Variants in RIT2 observed in about 807,000 individuals in gnomAD.
The protein encoded by RIT2 is GTP-binding protein Rit2.
Under a neutral mutation model 23.7 loss-of-function variants are expected in RIT2, and 24 were observed. That is an observed-to-expected ratio of 1.01 (90% CI 0.73 to 1.43). The LOEUF (loss-of-function observed/expected upper bound fraction) is 1.43, where lower values mean the gene tolerates loss of function less well. Ranked by LOEUF, RIT2 falls within the 40% of genes most tolerant of loss-of-function variation. The pLI is 0.00. For missense variants in RIT2, 236 were observed against 266.9 expected, an observed-to-expected ratio of 0.88 and a Z score of 0.81; for synonymous variants, 107 against 91.1, an observed-to-expected ratio of 1.17 and a Z score of -0.99.
At chr18:42,979,270 A>G (rs182652470) in intron 2 of RIT2, among the ~76,000 whole-genome samples, 263 of 152,230 alleles carry the variant, frequency 1.7e-3, no homozygotes, top group African/African-American at 5.8e-3. Flanking sequence ...CAAATATAAA[A>G]TTAGGATAAT....
intron 4 of RIT2, among the ~76,000 whole-genome samples, chr18:42,763,817 T>C (rs1015778498): frequency 1.3e-5 from 2 of 152,238 alleles, no homozygotes; most frequent in Admixed American, 1.3e-4. Context: ...GTTTTTTCTA[T>C]TTTAAAAATT....
At chr18:43,102,407 C>T (rs1214756769) in intron 1 of RIT2, among the ~76,000 whole-genome samples, 2 of 142,818 alleles carry the variant, frequency 1.4e-5, no homozygotes, top group African/African-American at 2.6e-5. Flanking sequence ...TTATAAAATA[C>T]TTTCTTTTCT....
rs373696573 is a variant in RIT2, at chr18:42,780,534, C to T, written c.427-36814G>A. On this transcript the variant is annotated intron_variant, in intron 4 of 4. Coordinates refer to ENST00000326695, the MANE Select transcript of RIT2 (RefSeq NM_002930.4). ...GATTCTCTACATAATGTAAATTTTC[C>T]CTGTAAGAGACTTTTGCAGGACCAT... Among the ~76,000 whole-genome samples the T allele has an allele frequency of 2.6e-4, 40 of 152,126 alleles. No individual in the cohort carries two copies. The East Asian group carries it at 2.7e-3, about 10-fold the overall frequency.
chr18:42,964,020 T>C (rs1173769213), intron 3 of RIT2, among the ~76,000 whole-genome samples: 1 of 151,984 alleles, frequency 6.6e-6, no homozygotes, highest in Non-Finnish European at 1.5e-5. Context: ...TGAAACCCCA[T>C]CTCTACTAAA....
intron 1 of RIT2, among the ~76,000 whole-genome samples, chr18:43,103,880 G>T (rs888989707): frequency 2.6e-5 from 4 of 152,086 alleles, no homozygotes; most frequent in Non-Finnish European, 5.9e-5. Flanking sequence ...TGAAGAGCAG[G>T]TAAGAGTGGG....
intron 3 of RIT2, among the ~76,000 whole-genome samples, chr18:42,953,801 G>A (rs768800104): frequency 7.2e-5 from 11 of 152,248 alleles, no homozygotes; most frequent in Non-Finnish European, 1.2e-4. Context: ...TAAACGAAGT[G>A]TGGGATTTTA....
At chr18:42,982,027 C>T (rs921563793) in intron 2 of RIT2, among the ~76,000 whole-genome samples, 6 of 152,158 alleles carry the variant, frequency 3.9e-5, no homozygotes, top group Non-Finnish European at 7.3e-5. Flanking sequence ...GGGTCACTAC[C>T]ATCTATGTCT....
chr18:42,903,891 C>A (rs946423066), intron 4 of RIT2, among the ~76,000 whole-genome samples: 5 of 152,038 alleles, frequency 3.3e-5, no homozygotes, highest in African/African-American at 1.2e-4. Flanking sequence ...TAATCAAAAT[C>A]AAAGAAGAAT....
chr18:43,012,673 G>T (rs1377178711), intron 2 of RIT2, among the ~76,000 whole-genome samples: 1 of 151,212 alleles, frequency 6.6e-6, no homozygotes, highest in Non-Finnish European at 1.5e-5. Context: ...ATAAATAAGG[G>T]CTATAATATA....
At chr18:43,102,047 A>C (rs1913696487) in intron 1 of RIT2, among the ~76,000 whole-genome samples, 1 of 152,248 alleles carries the variant, frequency 6.6e-6, no homozygotes, top group Non-Finnish European at 1.5e-5. Context: ...TTTGCCCATG[A>C]AATAAGTTTT....
chr18:42,905,784 T>C (rs1908597444), intron 4 of RIT2, among the ~76,000 whole-genome samples: 1 of 151,564 alleles, frequency 6.6e-6, no homozygotes, highest in Admixed American at 6.6e-5. Flanking sequence ...AACACATGTA[T>C]TTTTGATATT....
chr18:43,095,841 T>C (rs1489527792), intron 1 of RIT2, among the ~76,000 whole-genome samples: 1 of 151,938 alleles, frequency 6.6e-6, no homozygotes, highest in African/African-American at 2.4e-5. Flanking sequence ...AGAATATGGA[T>C]GTTAAAAAAT....
chr18:43,091,760 T>C (rs1034846382), intron 1 of RIT2, among the ~76,000 whole-genome samples: 2 of 152,098 alleles, frequency 1.3e-5, no homozygotes, highest in Non-Finnish European at 2.9e-5. Context: ...TTATGCGTTA[T>C]TTAGGATTCT....
At chr18:42,850,346 C>T (rs1907019166) in intron 4 of RIT2, among the ~76,000 whole-genome samples, 1 of 152,156 alleles carries the variant, frequency 6.6e-6, no homozygotes, top group South Asian at 2.1e-4. Context: ...TTCACCATTA[C>T]CCACATTATC....
chr18:42,959,136 T>A (rs1226285681), intron 3 of RIT2, among the ~76,000 whole-genome samples: 2 of 152,228 alleles, frequency 1.3e-5, no homozygotes, highest in Non-Finnish European at 2.9e-5. Flanking sequence ...GCTTTGTTCC[T>A]ACACTTTCTT....
rs1278452205 is a variant in RIT2 at position 43,055,425 on chromosome 18, A to G, written c.104-21558T>C. Among the ~76,000 whole-genome samples the G allele has an allele frequency of 3.3e-5, 5 of 152,226 alleles. No individual in the cohort carries two copies. In the East Asian group the frequency reaches 9.7e-4, roughly 30 times the overall value. On this transcript the variant is annotated intron_variant, in intron 1 of 4. Transcript: ENST00000326695. ...GTGACAACTCTGTATCAAAAGCTGA[A>G]TTAGAGACAGATTAGTTAAGACAAT...
At chr18:43,028,983 A>G (rs917700738) in intron 2 of RIT2, among the ~76,000 whole-genome samples, 7 of 152,050 alleles carry the variant, frequency 4.6e-5, no homozygotes, top group African/African-American at 1.7e-4. Context: ...TACTTAATGT[A>G]GTACATTTGT....
intron 3 of RIT2, among the ~76,000 whole-genome samples, chr18:42,959,452 A>C (rs1031887981): frequency 8.5e-5 from 13 of 152,230 alleles, no homozygotes; most frequent in African/African-American, 3.1e-4. Flanking sequence ...AAACAGTTAC[A>C]TCTTCCACTC....
intron 3 of RIT2, among the ~76,000 whole-genome samples, chr18:42,964,755 C>G (rs1910172570): frequency 6.6e-6 from 1 of 152,178 alleles, no homozygotes; most frequent in Non-Finnish European, 1.5e-5. Context: ...GCAAATAAAC[C>G]TCCTAAAATG....
Sources: gnomAD v4.1 joint callset for allele counts (sites outside exome capture counted in the v4.1 genomes callset) on GRCh38, gnomAD v4.1.1 for gene constraint, MANE v1.5 for transcripts, NCBI Gene and HGNC (gene_info 2026-07-23, HGNC 2026-07-21) for gene names.